The following CDK12 variants were observed in gnomAD, a reference collection of about 807,000 sequenced individuals.
The protein encoded by CDK12 is cyclin dependent kinase 12.
A neutral mutation model predicts 133.8 loss-of-function variants in CDK12; 17 were observed. The ratio of observed to expected loss-of-function variants is 0.13; its 90% CI spans 0.09 to 0.19. The LOEUF (loss-of-function observed/expected upper bound fraction) is 0.19. Among genes scored for constraint, CDK12 ranks in the 10% least tolerant of loss-of-function variants. The pLI is 1.00. For missense variants in CDK12, 1,508 were observed against 1,818.7 expected (o/e 0.83, Z 3.11); for synonymous variants, 694 against 683.6 (o/e 1.02, Z -0.24).
At chr17:39,563,899 C>G (rs2056481762) in intron 3 of CDK12, among the ~76,000 whole-genome samples, 3 of 152,154 alleles carry the variant, frequency 2.0e-5, no homozygotes. Flanking sequence ...GTGCCACTCA[C>G]TTATACTTGA....
At chr17:39,497,389 G>A (rs187876381) in intron 5 of CDK12, among the ~76,000 whole-genome samples, 2 of 152,024 alleles carry the variant, frequency 1.3e-5, no homozygotes, top group South Asian at 2.1e-4. Context: ...CTAAAAATGC[G>A]AAAATTCGCT....
intron 2 of CDK12, among the ~76,000 whole-genome samples, chr17:39,473,078 A>C (rs1001764394): frequency 4.6e-5 from 7 of 151,758 alleles, no homozygotes; most frequent in African/African-American, 1.7e-4. Flanking sequence ...TCCGTCTTAA[A>C]AAAAAAAAAA....
Position 39,462,806 on chromosome 17 carries a change from T to G in CDK12, c.735T>G (p.Asp245Glu). 1.2e-6 allele frequency: 2 copies of G among 1,614,120 alleles called. No homozygotes were observed. Among genetic ancestry groups the G allele is most frequent in the Non-Finnish European group, 1.7e-6 (2 of 1,180,020 alleles). Reference protein sequence around the residue: ...DSPSGASYGQDYDLSPSRSHT... With the variant: ...DSPSGASYGQEYDLSPSRSHT... The stretch of plus-strand genomic sequence containing the variant: ...CCTCGGGAGCTTCTTATGGCCAAGA[T>G]TATGACCTTAGTCCCTCACGATCTC... Residue 245 changes from aspartate to glutamate, a missense_variant, in exon 1 of 14, where the codon GAT becomes GAG. Physicochemically the swap from Asp to Glu is conservative, Grantham distance 45 (BLOSUM62 2). This residue lies in a region of CDK12 where 460 missense variants were observed against 490.8 expected (regional missense o/e 0.94). Transcript: ENST00000447079.
chr17:39,537,459 A>G (rs73302557), downstream of CDK12, among the ~76,000 whole-genome samples: 4,491 of 152,236 alleles, frequency 0.03, 96 homozygotes, highest in African/African-American at 0.06. Flanking sequence ...GAAGCAATAT[A>G]AGAGGTGGAA....
intron 3 of CDK12, among the ~76,000 whole-genome samples, chr17:39,563,361 C>T (rs2056450594): frequency 6.6e-6 from 1 of 151,402 alleles, no homozygotes; most frequent in African/African-American, 2.4e-5. Context: ...CTAGGGATAC[C>T]CACATGTAAA....
upstream of CDK12, chr17:39,546,822 T>G (rs2055730366): frequency 6.6e-6 from 1 of 152,170 alleles, no homozygotes; most frequent in African/African-American, 2.4e-5. Context: ...CTCGGAGTAT[T>G]TTTCTCTGTT....
Position 39,490,686 on chromosome 17 carries a change from ACC to A in CDK12, c.2062_2063del (p.Pro688LysfsTer11). The A allele has an allele frequency of 6.2e-7, 1 of 1,613,752 alleles. No homozygotes were observed. The highest frequency in any genetic ancestry group is 1.1e-5 in the South Asian group (1 of 91,060). The stretch of plus-strand genomic sequence containing the variant: ...ATCTGTCTCCCCCAGACTCTCCAGA[ACC>A]AAAGGCAATCACACCACCTCAGCAA... ...GDLSPPDSPEPKAITPPQQPY... is the reference protein window; with the variant it reads ...GDLSPPDSPEXKAITPPQQPY... On this transcript the variant is annotated frameshift_variant, in exon 3 of 14. Coordinates refer to ENST00000447079, the MANE Select transcript of CDK12 (RefSeq NM_016507.4). LOFTEE classifies it high-confidence loss of function.
chr17:39,549,482 C>G (rs2055863801), upstream of CDK12: 2 of 152,144 alleles, frequency 1.3e-5, no homozygotes, highest in Non-Finnish European at 2.9e-5. Context: ...TTTATCCTAT[C>G]TGACCCATCT....
intron 13 of CDK12, among the ~76,000 whole-genome samples, chr17:39,529,551 C>T (rs2054699374): frequency 6.6e-6 from 1 of 152,060 alleles, no homozygotes; most frequent in African/African-American, 2.4e-5. Context: ...TCTCAATTTT[C>T]TAAAGGCATT....
downstream of CDK12, chr17:39,534,943 C>G (rs1279854679): frequency 6.6e-6 from 1 of 152,178 alleles, no homozygotes; most frequent in African/African-American, 2.4e-5. Context: ...AGTCTTAAAC[C>G]AGACTTCACC....
intron 10 of CDK12, among the ~76,000 whole-genome samples, chr17:39,519,298 C>CTTT (rs386386050): frequency 0.014 from 731 of 53,986 alleles, 126 homozygotes; most frequent in African/African-American, 0.054. Flanking sequence ...AATTCAAAGA[C>CTTT]TTTTTTTTTT....
intron 3 of CDK12, among the ~76,000 whole-genome samples, chr17:39,492,464 G>A (rs1346768773): frequency 6.9e-6 from 1 of 145,742 alleles, no homozygotes; most frequent in African/African-American, 2.5e-5. Flanking sequence ...CTGGAGTGCA[G>A]TGGCGCATTC....
chr17:39,485,992 G>C (rs1256312631), intron 2 of CDK12, among the ~76,000 whole-genome samples: 1 of 144,326 alleles, frequency 6.9e-6, no homozygotes, highest in African/African-American at 2.6e-5. Flanking sequence ...TTGCTCTGTC[G>C]CCCAGGCTGG....
Position 39,550,931 on chromosome 17 carries a change from C to T in CDK12, n.252-107C>T, listed in dbSNP as rs371554629. The T allele has an allele frequency of 2.8e-5, 4 of 142,936 alleles. No homozygotes were observed. In the East Asian group the frequency reaches 8.3e-4, roughly 30 times the overall value. 8.9% of individuals were successfully genotyped at this position (142,936 alleles called of 1,614,324 possible). A position where few individuals can be genotyped will look rare whatever the true frequency, so the allele number is the denominator to read the frequency against. ...CCTGTAATCCCACCTACTTGGGAGGCTAAGGTAGGAGAATTAGCCTGGGCA... is the reference window on the plus strand; with the variant it reads ...CCTGTAATCCCACCTACTTGGGAGGTTAAGGTAGGAGAATTAGCCTGGGCA... On this transcript the variant is annotated intron_variant and non_coding_transcript_variant, in intron 1 of 3. Coordinates refer to the CDK12 transcript ENST00000558240.
intron 10 of CDK12, among the ~76,000 whole-genome samples, 154 bp downstream of exon 10, chr17:39,517,710 A>G (rs907798825): frequency 2.6e-5 from 4 of 152,228 alleles, no homozygotes; most frequent in Non-Finnish European, 5.9e-5. Flanking sequence ...GAGTTTTATC[A>G]TAGCCCTTTT....
intron 3 of CDK12, among the ~76,000 whole-genome samples, chr17:39,557,736 C>T (rs1002894906): frequency 1.2e-4 from 18 of 152,180 alleles, no homozygotes; most frequent in Non-Finnish European, 2.5e-4. Context: ...CAGGCCTCTT[C>T]CAGACAGCCT....
chr17:39,495,409 T>G (rs2052015243), intron 5 of CDK12, among the ~76,000 whole-genome samples: 1 of 149,552 alleles, frequency 6.7e-6, no homozygotes. Context: ...TTTTTTTTTT[T>G]TTTTTTTATA....
At chr17:39,515,637 C>T in intron 8 of CDK12, 94 bp from the exon 9 acceptor site, 1 of 718,852 alleles carries the variant, frequency 1.4e-6, no homozygotes, top group Non-Finnish European at 2.4e-6. Context: ...ATCTTGGTTG[C>T]AATCCGACAT....
chr17:39,522,083 G>T (rs1205894434), intron 11 of CDK12, among the ~76,000 whole-genome samples: 1 of 151,982 alleles, frequency 6.6e-6, no homozygotes, highest in Non-Finnish European at 1.5e-5. Flanking sequence ...CACTTGCAGA[G>T]ATAGTCCCAG....
Sources: allele counts gnomAD v4.1 joint callset (sites outside exome capture counted in the v4.1 genomes callset), GRCh38; gene constraint gnomAD v4.1.1; regional missense constraint gnomAD v4.1.1; transcripts MANE v1.5; gene names NCBI Gene and HGNC (gene_info 2026-07-23, HGNC 2026-07-21).